Variants in FUT8 observed in about 807,000 individuals in gnomAD.
FUT8 encodes fucosyltransferase 8, also known as alpha-(1,6)-fucosyltransferase.
FUT8 carries 29 observed loss-of-function variants against 71.3 expected under a neutral mutation model. The observed-to-expected ratio is 0.41, with a 90% CI of 0.30 to 0.55. The LOEUF (loss-of-function observed/expected upper bound fraction) is 0.55. FUT8 is among the 20% of genes least tolerant of loss of function. The probability of loss-of-function intolerance (pLI) is 0.34; values close to 1 mark genes in which losing one functional copy is unlikely to be tolerated. For synonymous variants in FUT8, 254 were observed against 239.3 expected, an observed-to-expected ratio of 1.06 and a Z score of -0.57; for missense variants, 544 against 702.1, an observed-to-expected ratio of 0.77 and a Z score of 2.55.
rs1261570706 is a variant in FUT8 at position 65,660,224 on chromosome 14, T to C, written c.598-9019T>C. On this transcript the variant is annotated intron_variant, in intron 6 of 10. Transcript: ENST00000673929. This position sits in a 1 kb window ranked among gnomAD's most constrained non-coding sequence, Gnocchi z 4.1. ...AGTTGAGGGTTTTCTAGAGACCACCTGGAACTCCCAGAGGTAACAGAATAC... is the reference window on the plus strand; with the variant it reads ...AGTTGAGGGTTTTCTAGAGACCACCCGGAACTCCCAGAGGTAACAGAATAC... Among the ~76,000 whole-genome samples, 1 of 152,148 alleles carries C rather than the reference T, an allele frequency of 6.6e-6. No individual in the cohort carries two copies. Among genetic ancestry groups the C allele is most frequent in the Non-Finnish European group, 1.5e-5 (1 of 68,000 alleles).
chr14:65,677,095 A>G (rs1305205544), intron 7 of FUT8, among the ~76,000 whole-genome samples: 4 of 143,992 alleles, frequency 2.8e-5, no homozygotes, highest in African/African-American at 7.8e-5. Flanking sequence ...CATCAGTTCC[A>G]TTGGAAAGAA....
At chr14:65,378,481 G>T in the FUT8 span, among the ~76,000 whole-genome samples, 1 of 152,068 alleles carries the variant, frequency 6.6e-6, no homozygotes, top group South Asian at 2.1e-4. Flanking sequence ...AAGTAAGAGG[G>T]AAGAACAAGA....
At position 65,629,829 on chromosome 14, in the gene FUT8, T is replaced by TAC. The variant is rs3079115; in HGVS notation, c.597+251_597+252dup. On this transcript the variant is annotated intron_variant, in intron 6 of 10. Transcript: ENST00000673929. ...TAAAGGGAGCTACTTCTTACACACGTACACACACACACACACACACACACA... is the reference window on the plus strand; with the variant it reads ...TAAAGGGAGCTACTTCTTACACACGTACACACACACACACACACACACACACA... Among the ~76,000 whole-genome samples the TAC allele has an allele frequency of 0.19, 27,547 of 147,708 alleles. 2,544 individuals carry two copies. Among genetic ancestry groups the TAC allele is most frequent in the South Asian group, 0.28 (1,280 of 4,572 alleles).
chr14:65,532,413 A>G (rs1296874771), intron 2 of FUT8, among the ~76,000 whole-genome samples: 2 of 151,946 alleles, frequency 1.3e-5, no homozygotes, highest in South Asian at 2.1e-4. Flanking sequence ...TTTTTCATAT[A>G]CTTGTTGGCT....
intron 6 of FUT8, among the ~76,000 whole-genome samples, chr14:65,632,598 T>G (rs188531805): frequency 7.2e-5 from 11 of 152,320 alleles, no homozygotes; most frequent in Admixed American, 5.2e-4. Flanking sequence ...TTGAGTTCTT[T>G]GTAGATTCTG....
At chr14:65,384,921 C>A in the FUT8 span, among the ~76,000 whole-genome samples, 3 of 145,630 alleles carry the variant, frequency 2.1e-5, no homozygotes, top group Non-Finnish European at 4.5e-5. This position sits in a 1 kb window ranked among gnomAD's most constrained non-coding sequence, Gnocchi z 4.2. Flanking sequence ...GACAGAGTTT[C>A]GCTCTTGTTG....
chr14:65,625,468 G>A (rs1286526148), intron 5 of FUT8, among the ~76,000 whole-genome samples: 2 of 152,180 alleles, frequency 1.3e-5, no homozygotes, highest in African/African-American at 4.8e-5. Flanking sequence ...AAAGACTTCA[G>A]GTTAATTTCT....
intron 7 of FUT8, among the ~76,000 whole-genome samples, chr14:65,713,024 C>A (rs1894880060): frequency 6.6e-6 from 1 of 152,148 alleles, no homozygotes; most frequent in Admixed American, 6.5e-5. Flanking sequence ...TTTTTGTACC[C>A]ATTAGCCATC....
intron 3 of FUT8, among the ~76,000 whole-genome samples, chr14:65,611,205 GCGCGCGCGCGCGCGCGCGCACA>G (rs1888897353): frequency 2.3e-3 from 5 of 2,202 alleles, no homozygotes; most frequent in Admixed American, 9.4e-3. Context: ...ACACGCGCGC[GCGCGCGCGCGCGCGCGCGCACA>G]CACACACACA....
intron 2 of FUT8, among the ~76,000 whole-genome samples, chr14:65,482,772 C>T (rs1180700579): frequency 6.6e-6 from 1 of 152,052 alleles, no homozygotes; most frequent in African/African-American, 2.4e-5. Context: ...AGATCAGGCC[C>T]TTTAAATATT....
At chr14:65,373,692 A>G in the FUT8 span, among the ~76,000 whole-genome samples, 3 of 152,242 alleles carry the variant, frequency 2.0e-5, no homozygotes, top group African/African-American at 7.2e-5. Flanking sequence ...GAACTCTCCC[A>G]TTTCAATTGT....
chr14:65,604,119 A>G (rs1195419397), intron 3 of FUT8, among the ~76,000 whole-genome samples: 1 of 151,850 alleles, frequency 6.6e-6, no homozygotes, highest in African/African-American at 2.4e-5. Context: ...AATTACTACC[A>G]AACCTAAGTA....
At position 65,439,961 on chromosome 14, in the gene FUT8, T is replaced by TATATATATATATAA. The variant is rs1566748180; in HGVS notation, c.-325-15647_-325-15646insAATATATATATATA. Among the ~76,000 whole-genome samples the TATATATATATATAA allele has an allele frequency of 4.6e-5, 5 of 107,566 alleles. No homozygotes were observed. The South Asian group carries it at 1.1e-3, about 24-fold the overall frequency. 70.6% of individuals were successfully genotyped at this position (107,566 alleles called of 152,430 possible). ...AAATGTGTGTGTGTGTGTGTATATA[T>TATATATATATATAA]ATATATATATATATATATATATATA... On this transcript the variant is annotated intron_variant, in intron 1 of 10. Coordinates refer to ENST00000673929, the MANE Select transcript of FUT8 (RefSeq NM_001371533.1).
At chr14:65,729,034 GTTTTT>G (rs557668131) in intron 9 of FUT8, among the ~76,000 whole-genome samples, 4 of 103,658 alleles carry the variant, frequency 3.9e-5, no homozygotes, top group African/African-American at 3.9e-5. Flanking sequence ...TTGTAAACAT[GTTTTT>G]TTTTTTTTTT....
chr14:65,554,130 T>G (rs1885447321), intron 2 of FUT8, among the ~76,000 whole-genome samples: 1 of 152,088 alleles, frequency 6.6e-6, no homozygotes, highest in African/African-American at 2.4e-5. Flanking sequence ...CGTTTCATTT[T>G]GAATAATATC....
rs573034317 is a variant in FUT8, at chr14:65,713,876, C to T, written c.836-7899C>T. ...TTTTCTTTGCTGTGCAGACTTGAGT[C>T]GGTCCCATTTGTCCATTTTTGCTTT... On this transcript the variant is annotated intron_variant, in intron 7 of 10. Coordinates refer to ENST00000673929, the MANE Select transcript of FUT8 (RefSeq NM_001371533.1). Among the ~76,000 whole-genome samples, 28 of 151,972 alleles carry T rather than the reference C, an allele frequency of 1.8e-4. No homozygotes were observed. The South Asian group carries it at 2.9e-3, about 16-fold the overall frequency.
Position 65,742,733 on chromosome 14 carries a change from C to T in FUT8, c.*323C>T, listed in dbSNP as rs932138155. On this transcript the variant is annotated 3_prime_UTR_variant, in exon 11 of 11. Coordinates refer to ENST00000673929, the MANE Select transcript of FUT8 (RefSeq NM_001371533.1). ...CTGCCATATTGTGTAATTTAAGTGA[C>T]ACAGACATTTTGTGTGAGACTTAAA... is the stretch of plus-strand genomic sequence containing the variant. 2.2e-4 allele frequency: 50 copies of T among 231,604 alleles called. No homozygotes were observed. Among genetic ancestry groups the T allele is most frequent in the African/African-American group, 1.0e-3 (46 of 44,872 alleles). 14.3% of individuals were successfully genotyped at this position (231,604 alleles called of 1,614,324 possible).
chr14:65,601,662 T>C (rs903128137), intron 3 of FUT8, among the ~76,000 whole-genome samples: 1 of 152,174 alleles, frequency 6.6e-6, no homozygotes, highest in Non-Finnish European at 1.5e-5. Flanking sequence ...GTTGGTTAAT[T>C]TCTTCTGAAT....
chr14:65,535,297 C>T (rs975158134), intron 2 of FUT8, among the ~76,000 whole-genome samples: 1 of 151,852 alleles, frequency 6.6e-6, no homozygotes, highest in Non-Finnish European at 1.5e-5. Context: ...GACGGGGTTT[C>T]ACAATGTTGG....
Sources: allele counts gnomAD v4.1 joint callset (sites outside exome capture counted in the v4.1 genomes callset), GRCh38; gene constraint gnomAD v4.1.1; non-coding constraint Gnocchi (gnomAD v3.1); transcripts MANE v1.5; gene names NCBI Gene and HGNC (gene_info 2026-07-23, HGNC 2026-07-21).